The following ZNF618 variants were observed in gnomAD, a reference collection of about 807,000 sequenced individuals.
The protein encoded by ZNF618 is zinc finger protein 618.
Under a neutral mutation model 103.0 loss-of-function variants are expected in ZNF618, and 34 were observed. That is an observed-to-expected ratio of 0.33 (90% confidence interval 0.25 to 0.44). The LOEUF (loss-of-function observed/expected upper bound fraction) is 0.44, where lower values mean the gene tolerates loss of function less well. Among genes scored for constraint, ZNF618 ranks in the 20% least tolerant of loss-of-function variants. The probability of loss-of-function intolerance (pLI) is 1.00; values close to 1 mark genes in which losing one functional copy is unlikely to be tolerated. For missense variants in ZNF618, 1,059 were observed against 1,295.4 expected, an observed-to-expected ratio of 0.82 and a Z score of 2.80; for synonymous variants, 551 against 542.2, an observed-to-expected ratio of 1.02 and a Z score of -0.23.
chr9:114,049,687 C>A lies in ZNF618; in HGVS notation c.2385C>A (p.Asn795Lys). The A allele has an allele frequency of 6.2e-7, 1 of 1,613,848 alleles. No homozygotes were observed. Among genetic ancestry groups the A allele is most frequent in the African/African-American group, 1.3e-5 (1 of 75,072 alleles). Reference sequence around the variant, plus strand: ...TCTTCCTGGAGGCGCTCAAGGAGAACTTCAAGGTGCACCCGGCCCACAAGG... The same window carrying A: ...TCTTCCTGGAGGCGCTCAAGGAGAAATTCAAGGTGCACCCGGCCCACAAGG... ...CHLFLEALKE[N>K]FKVHPAHKVA... Residue 795 changes from asparagine to lysine, a missense_variant, in exon 15 of 15, where the codon AAC (asparagine) becomes AAA (lysine). By Grantham distance (94) the Asn-to-Lys change is moderately conservative. Around this residue, in one of 6 missense-constraint regions of ZNF618, gnomAD observed 272 missense variants for 380.1 expected, o/e 0.72. Coordinates refer to ENST00000374126, the MANE Select transcript of ZNF618 (RefSeq NM_001318042.2).
intron 10 of ZNF618, among the ~76,000 whole-genome samples, chr9:114,018,909 G>A (rs980757157): frequency 6.6e-6 from 1 of 152,162 alleles, no homozygotes; most frequent in African/African-American, 2.4e-5. Context: ...CTGTCCAAGA[G>A]ATAGCTCCTG....
chr9:114,030,239 G>A (rs765639494), intron 11 of ZNF618, among the ~76,000 whole-genome samples: 1 of 152,206 alleles, frequency 6.6e-6, no homozygotes, highest in South Asian at 2.1e-4. Context: ...TCTCCCAAAA[G>A]GAGAGTAGTC....
intron 6 of ZNF618, among the ~76,000 whole-genome samples, chr9:114,004,568 T>A (rs1009049627): frequency 2.0e-5 from 3 of 152,236 alleles, no homozygotes; most frequent in Non-Finnish European, 4.4e-5. Flanking sequence ...GACGGCTCTG[T>A]AGCGGGGGTA....
chr9:113,922,438 G>A (rs1832727424), intron 1 of ZNF618, among the ~76,000 whole-genome samples: 1 of 151,680 alleles, frequency 6.6e-6, no homozygotes, highest in Admixed American at 6.6e-5. Flanking sequence ...ATGTACACTG[G>A]CAGACAGGGG....
intron 3 of ZNF618, among the ~76,000 whole-genome samples, chr9:113,992,725 GACAA>G (rs1014380355): frequency 2.6e-5 from 4 of 152,228 alleles, no homozygotes; most frequent in Non-Finnish European, 1.5e-5. Flanking sequence ...ATAGCCATCA[GACAA>G]ACAATGTTCC....
intron 12 of ZNF618, among the ~76,000 whole-genome samples, chr9:114,036,065 C>T (rs1844570884): frequency 6.6e-6 from 1 of 152,350 alleles, no homozygotes; most frequent in Non-Finnish European, 1.5e-5. Flanking sequence ...CAATAAATAG[C>T]TGCTCAATTG....
intron 1 of ZNF618, among the ~76,000 whole-genome samples, chr9:113,892,654 T>C (rs1264572423): frequency 1.3e-5 from 2 of 152,200 alleles, no homozygotes; most frequent in Admixed American, 6.5e-5. Context: ...TTATAAATAA[T>C]ATGAAATAAC....
intron 1 of ZNF618, among the ~76,000 whole-genome samples, chr9:113,963,371 G>T (rs1306222150): frequency 1.3e-5 from 2 of 152,170 alleles, no homozygotes; most frequent in Non-Finnish European, 2.9e-5. Context: ...GTATGTATTT[G>T]GTAGTTTGAA....
intron 1 of ZNF618, among the ~76,000 whole-genome samples, chr9:113,934,492 C>T (rs1342962801): frequency 6.6e-6 from 1 of 152,194 alleles, no homozygotes; most frequent in Non-Finnish European, 1.5e-5. Flanking sequence ...CGCGCTGAAG[C>T]CCGTGTTCGG....
chr9:113,958,472 T>TGAGTC (rs1564218056), intron 1 of ZNF618, among the ~76,000 whole-genome samples: 6 of 152,044 alleles, frequency 3.9e-5, no homozygotes, highest in African/African-American at 1.2e-4. Flanking sequence ...GCCCTTTATG[T>TGAGTC]TGAGTTGATG....
In ZNF618 at chr9:113,998,560, G is replaced by A. The variant is rs541494894; in HGVS notation, c.433+206G>A. On this transcript the variant is annotated intron_variant, in intron 4 of 14. Transcript: ENST00000374126. ...GGAAGTACTGGACTACTGGAGGGAC[G>A]ATAGAGCATGTGGAAATCTGGACGC... Among the ~76,000 whole-genome samples, 58 of 152,338 alleles carry A rather than the reference G, an allele frequency of 3.8e-4. No individual in the cohort carries two copies. The South Asian group carries it at 0.011, about 28-fold the overall frequency.
chr9:113,902,018 C>T (rs1369112098), intron 1 of ZNF618, among the ~76,000 whole-genome samples: 2 of 152,040 alleles, frequency 1.3e-5, no homozygotes, highest in Non-Finnish European at 1.5e-5. Context: ...GCAATACAGA[C>T]TCTCTTTCTG....
At chr9:113,902,102 C>T (rs1236083179) in intron 1 of ZNF618, among the ~76,000 whole-genome samples, 1 of 152,010 alleles carries the variant, frequency 6.6e-6, no homozygotes, top group Non-Finnish European at 1.5e-5. Context: ...CAATCAGAAG[C>T]TGCCTACGTG....
At chr9:113,897,421 T>C (rs530567616) in intron 1 of ZNF618, among the ~76,000 whole-genome samples, 11 of 152,246 alleles carry the variant, frequency 7.2e-5, no homozygotes, top group Non-Finnish European at 1.5e-5. Flanking sequence ...CCTGAATGCC[T>C]GTATCACTCT....
chr9:113,990,968 T>C (rs1442726923), intron 3 of ZNF618, among the ~76,000 whole-genome samples: 2 of 152,220 alleles, frequency 1.3e-5, no homozygotes, highest in East Asian at 3.8e-4. Context: ...GCACTTGCTC[T>C]CTTTGGTATC....
chr9:113,926,691 A>C, intron 1 of ZNF618, among the ~76,000 whole-genome samples: 1 of 152,142 alleles, frequency 6.6e-6, no homozygotes, highest in Admixed American at 6.5e-5. Flanking sequence ...CTTTTCCATT[A>C]GAGCACTTTG....
At chr9:113,969,042 C>T (rs1025992650) in intron 1 of ZNF618, 75 bp from the exon 2 acceptor site, 2 of 1,549,326 alleles carry the variant, frequency 1.3e-6, no homozygotes, top group Non-Finnish European at 1.8e-6. Flanking sequence ...TCAGTGGGAG[C>T]TTGATGGGGT....
chr9:114,029,863 A>C, intron 11 of ZNF618, among the ~76,000 whole-genome samples: 1 of 152,200 alleles, frequency 6.6e-6, no homozygotes, highest in Non-Finnish European at 1.5e-5. Context: ...AGTTCCGAGA[A>C]GTTATTTCCT....
At position 113,988,480 on chromosome 9, in the gene ZNF618, G is replaced by C; in HGVS notation, c.237G>C (p.Glu79Asp). ...DYIQEVIWQG[E>D]AKEEKKAVSK... ...TCCAGGAGGTGATCTGGCAGGGCGA[G>C]GCCAAGGAGGAGAAGAAGGCGGTCA... Residue 79 changes from glutamate (E) to aspartate (D), a missense_variant, in exon 3 of 15, where the codon GAG becomes GAC. Around this residue, in one of 6 missense-constraint regions of ZNF618, gnomAD observed 194 missense variants for 209.0 expected, o/e 0.93. Coordinates refer to ENST00000374126, the MANE Select transcript of ZNF618 (RefSeq NM_001318042.2). 6.2e-7 allele frequency: 1 copy of C among 1,613,508 alleles called. No homozygotes were observed. The highest frequency in any genetic ancestry group is 8.5e-7 in the Non-Finnish European group (1 of 1,179,876).
Sources: gnomAD v4.1 joint callset for allele counts (sites outside exome capture counted in the v4.1 genomes callset) on GRCh38, gnomAD v4.1.1 for gene constraint, gnomAD v4.1.1 regional missense constraint, MANE v1.5 for transcripts, NCBI Gene and HGNC (gene_info 2026-07-23, HGNC 2026-07-21) for gene names.